The following ATP8A2 variants were observed in gnomAD, a reference collection of about 807,000 sequenced individuals.
ATP8A2 encodes the protein ATPase phospholipid transporting 8A2.
Under a neutral mutation model 165.6 loss-of-function variants are expected in ATP8A2, and 100 were observed. The ratio of observed to expected loss-of-function variants is 0.60; its 90% CI spans 0.51 to 0.71. ATP8A2 has a LOEUF of 0.71. ATP8A2 is among the 30% of genes least tolerant of loss of function. ATP8A2 has a pLI of 0.00. For missense variants in ATP8A2, 1,227 were observed against 1,479.5 expected (o/e 0.83, Z 2.80); for synonymous variants, 543 against 548.8 (o/e 0.99, Z 0.15).
intron 10 of ATP8A2, among the ~76,000 whole-genome samples, chr13:25,549,419 C>T (rs977943946): frequency 2.7e-5 from 4 of 149,654 alleles, no homozygotes; most frequent in Non-Finnish European, 4.4e-5. Context: ...GAGATCGCAC[C>T]ACTGCACTCC....
chr13:25,730,179 T>C (rs1015639870), intron 25 of ATP8A2, among the ~76,000 whole-genome samples: 1 of 152,118 alleles, frequency 6.6e-6, no homozygotes, highest in Non-Finnish European at 1.5e-5. Context: ...TGGTTCCAGC[T>C]ACTCTGGAGG....
chr13:25,610,726 G>C (rs1255458920), intron 24 of ATP8A2, among the ~76,000 whole-genome samples: 1 of 150,968 alleles, frequency 6.6e-6, no homozygotes, highest in Non-Finnish European at 1.5e-5. Context: ...TCCATTCGTG[G>C]GATGTATTTC....
intron 27 of ATP8A2, among the ~76,000 whole-genome samples, chr13:25,810,260 G>T (rs1241560580): frequency 6.6e-6 from 1 of 152,142 alleles, no homozygotes; most frequent in Non-Finnish European, 1.5e-5. Context: ...TGTTTCTTTA[G>T]ATAGTAAGTT....
At chr13:25,864,364 G>A (rs1009123986) in intron 33 of ATP8A2, among the ~76,000 whole-genome samples, 16 of 152,146 alleles carry the variant, frequency 1.1e-4, no homozygotes, top group African/African-American at 3.9e-4. Context: ...AACTCCAAAT[G>A]TGCGTGAATT....
At chr13:25,658,812 CT>C (rs1238598824) in intron 24 of ATP8A2, among the ~76,000 whole-genome samples, 1 of 152,138 alleles carries the variant, frequency 6.6e-6, no homozygotes, top group African/African-American at 2.4e-5. Context: ...CCCAAATTCC[CT>C]CCTACAGCTC....
intron 27 of ATP8A2, among the ~76,000 whole-genome samples, chr13:25,804,515 A>G (rs534630788): frequency 1.1e-3 from 161 of 152,324 alleles, no homozygotes; most frequent in Non-Finnish European, 2.0e-3. Flanking sequence ...GAGAAAAACA[A>G]TTGTTTCTAC....
At chr13:25,481,176 A>AGGGAGACCGTG (rs1196242342) in intron 2 of ATP8A2, among the ~76,000 whole-genome samples, 9 of 144,914 alleles carry the variant, frequency 6.2e-5, no homozygotes, top group East Asian at 2.0e-4. Flanking sequence ...CCGTGGGGAG[A>AGGGAGACCGTG]GGGAGAGGGA....
chr13:25,961,441 G>T (rs1330102739), intron 33 of ATP8A2, 134 bp from the exon 34 acceptor site: 1 of 681,928 alleles, frequency 1.5e-6, no homozygotes, highest in African/African-American at 1.8e-5. Flanking sequence ...TCCTGCCAGT[G>T]CATGGGTTAC....
chr13:25,637,607 A>G (rs78291069), intron 24 of ATP8A2, among the ~76,000 whole-genome samples: 5,263 of 152,260 alleles, frequency 0.035, 157 homozygotes, highest in East Asian at 0.13. Context: ...CAAAGCGGCC[A>G]GGAAGCTCAA....
intron 27 of ATP8A2, among the ~76,000 whole-genome samples, chr13:25,799,841 G>C (rs12866527): frequency 0.18 from 26,775 of 152,206 alleles, 2,527 homozygotes; most frequent in Middle Eastern, 0.22. Context: ...TTCAACCCAG[G>C]AGAGCAAAAT....
chr13:25,379,664 C>T (rs2032765813), intron 1 of ATP8A2, among the ~76,000 whole-genome samples: 1 of 152,118 alleles, frequency 6.6e-6, no homozygotes, highest in South Asian at 2.1e-4. Context: ...TTGTTTTTAA[C>T]CCTCAGTAGT....
chr13:25,808,045 C>G (rs1950780133), intron 27 of ATP8A2, among the ~76,000 whole-genome samples: 1 of 160 alleles, frequency 6.3e-3, no homozygotes, highest in Admixed American at 0.045. Context: ...TCACAAGTTG[C>G]CTATTTAAAG....
chr13:25,495,392 G>A (rs994831286), intron 2 of ATP8A2, among the ~76,000 whole-genome samples: 7 of 152,144 alleles, frequency 4.6e-5, no homozygotes. Context: ...GGAAAGCACA[G>A]ATGGAGGTGG....
intron 1 of ATP8A2, among the ~76,000 whole-genome samples, chr13:25,436,992 G>T (rs900157904): frequency 1.3e-5 from 2 of 152,050 alleles, no homozygotes; most frequent in East Asian, 3.9e-4. Flanking sequence ...GCCCAGGCTG[G>T]TCTTTAATTC....
intron 24 of ATP8A2, among the ~76,000 whole-genome samples, chr13:25,614,800 G>T (rs868396912): frequency 1.3e-5 from 2 of 152,192 alleles, no homozygotes; most frequent in African/African-American, 4.8e-5. Flanking sequence ...CAGCAGAGCT[G>T]CCTGGCTCCA....
In ATP8A2 at chr13:25,789,281, G is replaced by T. The variant is rs140244246; in HGVS notation, c.2679+14322G>T. Among the ~76,000 whole-genome samples the T allele has an allele frequency of 4.7e-3, 716 of 152,214 alleles. 8 individuals carry two copies. Among genetic ancestry groups the T allele is most frequent in the African/African-American group, 0.016 (685 of 41,546 alleles). ...CAAAACACAATAATGTAATTAACTT[G>T]TTTCGAATTTTGTAAAATGATTTTA... On this transcript the variant is annotated intron_variant, in intron 27 of 36. Transcript: ENST00000381655.
At position 25,480,757 on chromosome 13, in the gene ATP8A2, G is replaced by A. The variant is rs984387758; in HGVS notation, c.221+11636G>A. Reference sequence around the variant, plus strand: ...CTCCTCACTTCCTAGACGGGGTGGCGGCCGGGCAGAGGCTGCACTCTGGGC... The same window carrying A: ...CTCCTCACTTCCTAGACGGGGTGGCAGCCGGGCAGAGGCTGCACTCTGGGC... On this transcript the variant is annotated intron_variant, in intron 2 of 36. Transcript: ENST00000381655. Among the ~76,000 whole-genome samples, 7 of 150,912 alleles carry A rather than the reference G, an allele frequency of 4.6e-5. No individual in the cohort carries two copies. The South Asian group carries it at 1.1e-3, about 23-fold the overall frequency.
chr13:25,831,170 C>A (rs537200760), intron 28 of ATP8A2, among the ~76,000 whole-genome samples: 7 of 151,726 alleles, frequency 4.6e-5, no homozygotes, highest in Admixed American at 1.3e-4. Flanking sequence ...TGTTTGATTC[C>A]GCAAGTCAGC....
intron 2 of ATP8A2, among the ~76,000 whole-genome samples, chr13:25,518,798 A>G (rs1051448797): frequency 1.3e-5 from 2 of 152,090 alleles, no homozygotes; most frequent in African/African-American, 4.8e-5. Context: ...TTTCTAATGG[A>G]TTGTTTCTGT....
Sources: gnomAD v4.1 joint callset for allele counts (sites outside exome capture counted in the v4.1 genomes callset) on GRCh38, gnomAD v4.1.1 for gene constraint, MANE v1.5 for transcripts, NCBI Gene and HGNC (gene_info 2026-07-23, HGNC 2026-07-21) for gene names.